Variants in RPN2 observed in about 807,000 individuals in gnomAD.
RPN2 encodes ribophorin II.
Under a neutral mutation model 71.4 loss-of-function variants are expected in RPN2, and 29 were observed. The ratio of observed to expected loss-of-function variants is 0.41; its 90% CI spans 0.30 to 0.55. The LOEUF (loss-of-function observed/expected upper bound fraction) is 0.55. Among genes scored for constraint, RPN2 ranks in the 20% least tolerant of loss-of-function variants. The pLI is 0.35. For missense variants in RPN2, 726 were observed against 774.1 expected (o/e 0.94, Z 0.74); for synonymous variants, 308 against 305.0 (o/e 1.01, Z -0.10).
At chr20:37,196,820 G>A (rs1330649190) in intron 2 of RPN2, among the ~76,000 whole-genome samples, 6 of 152,176 alleles carry the variant, frequency 3.9e-5, no homozygotes, top group African/African-American at 4.8e-5. Flanking sequence ...GGGGCTTGGC[G>A]ATTTTGTGAT....
chr20:37,238,571 A>G (rs1486723319), intron 16 of RPN2: 23 of 757,042 alleles, frequency 3.0e-5, no homozygotes, highest in Middle Eastern at 2.5e-4. Flanking sequence ...TCCCTAAGCC[A>G]CAGCTGAATT....
At chr20:37,220,630 A>G (rs918720101) in intron 9 of RPN2, among the ~76,000 whole-genome samples, 2 of 152,222 alleles carry the variant, frequency 1.3e-5, no homozygotes, top group Non-Finnish European at 2.9e-5. Context: ...AGCTGCATTT[A>G]AAGTGGAGAA....
At position 37,214,632 on chromosome 20, in the gene RPN2, C is replaced by G. The variant is rs542067535; in HGVS notation, c.1092+767C>G. Among the ~76,000 whole-genome samples the G allele has an allele frequency of 3.9e-5, 6 of 152,266 alleles. No homozygotes were observed. In the South Asian group the frequency reaches 1.2e-3, roughly 32 times the overall value. ...GATGGGCTCTCAATCTGTAGAATGT[C>G]TCTCCGTTTGTGTTTGTCTGATGTT... On this transcript the variant is annotated intron_variant, in intron 9 of 16. Transcript: ENST00000237530.
chr20:37,194,320 G>A (rs1193285908), intron 2 of RPN2, among the ~76,000 whole-genome samples: 1 of 152,052 alleles, frequency 6.6e-6, no homozygotes, highest in African/African-American at 2.4e-5. Flanking sequence ...GGAGTGCTGT[G>A]GCTCGATCTC....
At chr20:37,234,169 G>A (rs1465021889) in intron 15 of RPN2, 74 bp downstream of exon 15, 1 of 1,427,116 alleles carries the variant, frequency 7.0e-7, no homozygotes, top group East Asian at 2.3e-5. Flanking sequence ...GCCCTGTTAA[G>A]TAGACCCACA....
At chr20:37,233,878 C>T in intron 14 of RPN2, 142 bp from the exon 15 acceptor site, 1 of 929,594 alleles carries the variant, frequency 1.1e-6, no homozygotes, top group Non-Finnish European at 1.7e-6. Flanking sequence ...GGGTGGTTGT[C>T]ACTTGGAAGA....
chr20:37,233,900 T>C, intron 14 of RPN2, 120 bp from the exon 15 acceptor site: 1 of 1,090,066 alleles, frequency 9.2e-7, no homozygotes. Context: ...TTGCCTGTCC[T>C]TCTAGGATGC....
In RPN2 at chr20:37,198,409, T is replaced by C; in HGVS notation, c.220T>C (p.Tyr74His). ...QVPDAKKACT[Y>H]IRSNLDPSNV... ...CCCCACTGTGTAGAAAGCATGTACCTACATCAGATCTAACCTTGATCCCAG... is the reference window on the plus strand; with the variant it reads ...CCCCACTGTGTAGAAAGCATGTACCCACATCAGATCTAACCTTGATCCCAG... The change falls in exon 3 of 17, where the codon TAC (tyrosine) becomes CAC (histidine). Residue 74 changes from tyrosine (Y) to histidine (H), a missense_variant. Tyr to His is a moderately conservative substitution (Grantham distance 83). Transcript: ENST00000237530. 1.2e-6 allele frequency: 2 copies of C among 1,614,256 alleles called. No individual in the cohort carries two copies. Among genetic ancestry groups the C allele is most frequent in the Non-Finnish European group, 8.5e-7 (1 of 1,180,040 alleles).
At chr20:37,188,557 T>C (rs1343317820) in intron 2 of RPN2, among the ~76,000 whole-genome samples, 1 of 151,826 alleles carries the variant, frequency 6.6e-6, no homozygotes, top group Non-Finnish European at 1.5e-5. Context: ...TTATTTTTGG[T>C]AGGAAGGGAA....
Position 37,210,128 on chromosome 20 carries a change from G to A in RPN2, c.949G>A (p.Ala317Thr), listed in dbSNP as rs750333065. 7 of 1,614,132 alleles carry A rather than the reference G, an allele frequency of 4.3e-6. No homozygotes were observed. The South Asian group carries it at 7.7e-5, about 18-fold the overall frequency. Residue 317 changes from alanine (A) to threonine (T), a missense_variant, in exon 8 of 17, where the codon GCC becomes ACC. Physicochemically the swap from Ala to Thr is moderately conservative, Grantham distance 58. Transcript: ENST00000237530. ...ACATGCTAAATCTGTTGCTTCCAGA[G>A]CCACTGTCCTCCAGAAGACATCCTT... ...LEHAKSVASR[A>T]TVLQKTSFTP...
At chr20:37,238,842 C>T in intron 16 of RPN2, 2 of 525,990 alleles carry the variant, frequency 3.8e-6, no homozygotes, top group Non-Finnish European at 7.6e-6. Flanking sequence ...CAAATCCTGG[C>T]ACACCTTGTC....
chr20:37,220,423 G>A (rs911778245), intron 9 of RPN2, among the ~76,000 whole-genome samples: 1 of 152,152 alleles, frequency 6.6e-6, no homozygotes, highest in Non-Finnish European at 1.5e-5. Context: ...GTCAGGGGAA[G>A]CATCGGTTTT....
At position 37,184,502 on chromosome 20, in the gene RPN2, G is replaced by GA. The variant is rs1203746530; in HGVS notation, c.207+132dup. ...GATAACCAAGGTTAATCCAATATAA[G>GA]AAATATTTGGCCAGGCGTGGTGACT... On this transcript the variant is annotated intron_variant, in intron 2 of 16. Transcript: ENST00000237530. 4.4e-6 allele frequency: 4 copies of GA among 904,276 alleles called. No homozygotes were observed. The African/African-American group carries it at 5.0e-5, about 11-fold the overall frequency. 56.0% of individuals were successfully genotyped at this position (904,276 alleles called of 1,614,324 possible).
intron 3 of RPN2, 87 bp from the exon 4 acceptor site, chr20:37,198,963 C>T (rs1203628581): frequency 1.2e-5 from 13 of 1,074,218 alleles, no homozygotes; most frequent in East Asian, 2.4e-5. Flanking sequence ...GTGACTTTGG[C>T]AGCTGCTCCG....
chr20:37,207,599 A>G, intron 7 of RPN2, 150 bp downstream of exon 7: 2 of 789,360 alleles, frequency 2.5e-6, no homozygotes, highest in South Asian at 2.9e-5. Context: ...TGAGCCTTGA[A>G]ATGGAGACAT....
At chr20:37,226,262 AG>A (rs1568993766) in intron 11 of RPN2, among the ~76,000 whole-genome samples, 2 of 152,270 alleles carry the variant, frequency 1.3e-5, no homozygotes, top group African/African-American at 2.4e-5. Flanking sequence ...TAGCAGAGAC[AG>A]GGTTTCACCA....
At chr20:37,220,160 T>TA (rs2067915405) in intron 9 of RPN2, among the ~76,000 whole-genome samples, 1 of 152,130 alleles carries the variant, frequency 6.6e-6, no homozygotes. Context: ...TCTTCCTCCT[T>TA]ATTACATTAG....
chr20:37,199,012 CCTGTT>C, intron 3 of RPN2, 33 bp from the exon 4 acceptor site: 1 of 1,563,882 alleles, frequency 6.4e-7, no homozygotes. Context: ...ATTGCCAAGA[CCTGTT>C]CTAAAACTCT....
At chr20:37,194,658 G>A (rs1427931460) in intron 2 of RPN2, among the ~76,000 whole-genome samples, 2 of 152,230 alleles carry the variant, frequency 1.3e-5, no homozygotes, top group Non-Finnish European at 2.9e-5. Context: ...GAGAGACAGG[G>A]TGTACAAAGC....
Sources: allele counts gnomAD v4.1 joint callset (sites outside exome capture counted in the v4.1 genomes callset), GRCh38; gene constraint gnomAD v4.1.1; transcripts MANE v1.5; gene names NCBI Gene and HGNC (gene_info 2026-07-23, HGNC 2026-07-21).